CHD2: variants seen among roughly 807,000 people sequenced by gnomAD.
The protein encoded by CHD2 is ATP-dependent chromatin remodeler CHD2.
CHD2 carries 28 observed loss-of-function variants against 243.9 expected under a neutral mutation model. The observed-to-expected ratio is 0.11, with a 90% CI of 0.09 to 0.16. The LOEUF is 0.16. Ranked by LOEUF, CHD2 falls within the 10% of genes least tolerant of loss-of-function variation. The pLI is 1.00. For missense variants in CHD2, 1,386 were observed against 2,209.8 expected, an observed-to-expected ratio of 0.63 and a Z score of 7.47; for synonymous variants, 775 against 779.0, an observed-to-expected ratio of 0.99 and a Z score of 0.09.
At chr15:92,964,854 G>C (rs987711198) in intron 16 of CHD2, among the ~76,000 whole-genome samples, 1 of 151,400 alleles carries the variant, frequency 6.6e-6, no homozygotes, top group Non-Finnish European at 1.5e-5. Flanking sequence ...TTGATAGCAT[G>C]TATTTCAGAG....
At chr15:93,009,084 C>T in intron 34 of CHD2, 61 bp from the exon 35 acceptor site, 1 of 1,558,158 alleles carries the variant, frequency 6.4e-7, no homozygotes, top group Non-Finnish European at 8.7e-7. Context: ...GCACAGTAAG[C>T]AAAGGACAAG....
At chr15:92,926,837 G>A (rs1291666181) in intron 3 of CHD2, among the ~76,000 whole-genome samples, 1 of 152,136 alleles carries the variant, frequency 6.6e-6, no homozygotes, top group East Asian at 1.9e-4. Context: ...GACTTAATGG[G>A]GGCTTTGCCG....
At chr15:93,006,124 CTTTT>C (rs55820002) in intron 34 of CHD2, among the ~76,000 whole-genome samples, 2 of 125,258 alleles carry the variant, frequency 1.6e-5, no homozygotes, top group African/African-American at 3.0e-5. Flanking sequence ...CTCTCTCTCT[CTTTT>C]TTTTTTTTTT....
chr15:92,922,501 T>C (rs1042001577), intron 2 of CHD2, among the ~76,000 whole-genome samples: 7 of 152,180 alleles, frequency 4.6e-5, no homozygotes, highest in Admixed American at 1.3e-4. Flanking sequence ...CGTATTGTAA[T>C]GTGCTGTGGA....
At chr15:92,974,714 T>C in intron 19 of CHD2, 165 bp from the exon 20 acceptor site, 1 of 574,058 alleles carries the variant, frequency 1.7e-6, no homozygotes, top group Non-Finnish European at 3.1e-6. Context: ...TCGAGTAGGG[T>C]AGGGTGTGCT....
At chr15:92,955,602 A>G in intron 15 of CHD2, 90 bp downstream of exon 15, 1 of 735,206 alleles carries the variant, frequency 1.4e-6, no homozygotes, top group Non-Finnish European at 2.1e-6. Context: ...AGCATGTTAG[A>G]AATAAATACT....
At chr15:92,912,603 G>C (rs1209947003) in intron 2 of CHD2, among the ~76,000 whole-genome samples, 1 of 152,146 alleles carries the variant, frequency 6.6e-6, no homozygotes, top group East Asian at 1.9e-4. Flanking sequence ...GCTCGATCTT[G>C]GCTCACTGCA....
chr15:92,967,279 C>T (rs889261281), intron 16 of CHD2, 46 bp from the exon 17 acceptor site: 37 of 1,338,090 alleles, frequency 2.8e-5, no homozygotes, highest in South Asian at 2.2e-4. Flanking sequence ...TCCTATTCTT[C>T]TTTTCCTCAA....
At chr15:92,971,976 C>A (rs1255180536) in intron 18 of CHD2, 49 bp downstream of exon 18, 1 of 1,554,428 alleles carries the variant, frequency 6.4e-7, no homozygotes, top group African/African-American at 1.4e-5. Flanking sequence ...CTTAGTTTCT[C>A]TAGGTGCTTT....
At chr15:92,925,501 A>G (rs1283312424) in intron 3 of CHD2, among the ~76,000 whole-genome samples, 2 of 152,228 alleles carry the variant, frequency 1.3e-5, no homozygotes, top group Non-Finnish European at 2.9e-5. Context: ...TCTTGAAGTG[A>G]TAAAACTAGT....
chr15:92,905,786 A>G (rs1414561773), intron 2 of CHD2, among the ~76,000 whole-genome samples: 1 of 152,222 alleles, frequency 6.6e-6, no homozygotes, highest in African/African-American at 2.4e-5. Flanking sequence ...TCAAATGTAT[A>G]TTGCGTATAA....
chr15:92,906,253 TTC>T (rs369399377), intron 2 of CHD2, among the ~76,000 whole-genome samples: 13 of 150,760 alleles, frequency 8.6e-5, no homozygotes, highest in Non-Finnish European at 8.9e-5. Flanking sequence ...TTCTCTCTCT[TTC>T]TCTCTCTCTC....
At chr15:92,901,451 C>A in intron 2 of CHD2, 152 bp downstream of exon 2, 1 of 625,272 alleles carries the variant, frequency 1.6e-6, no homozygotes, top group Non-Finnish European at 2.9e-6. Context: ...CTTGAGATTG[C>A]TAATATGCCA....
At chr15:92,982,784 A>G (rs368694670) in intron 24 of CHD2, among the ~76,000 whole-genome samples, 4 of 152,252 alleles carry the variant, frequency 2.6e-5, no homozygotes, top group African/African-American at 9.6e-5. Context: ...CAAGGATGGA[A>G]TTGAGTGGGC....
At chr15:93,010,768 C>A (rs1194622943) in intron 35 of CHD2, among the ~76,000 whole-genome samples, 2 of 152,208 alleles carry the variant, frequency 1.3e-5, no homozygotes, top group Non-Finnish European at 1.5e-5. Context: ...AAATCTCTTT[C>A]CATTAATCAC....
At chr15:93,019,284 A>G (rs1250402475) in intron 37 of CHD2, among the ~76,000 whole-genome samples, 1 of 152,146 alleles carries the variant, frequency 6.6e-6, no homozygotes, top group Non-Finnish European at 1.5e-5. Flanking sequence ...GGAGGATATT[A>G]CTCGCAGCTG....
At chr15:92,953,611 A>G in intron 14 of CHD2, 38 bp downstream of exon 14, 1 of 1,578,740 alleles carries the variant, frequency 6.3e-7, no homozygotes, top group South Asian at 1.1e-5. Flanking sequence ...AATCTGTGTT[A>G]TAAATGTAAT....
At chr15:93,008,746 A>C (rs115511649) in intron 34 of CHD2, among the ~76,000 whole-genome samples, 2,040 of 152,160 alleles carry the variant, frequency 0.013, 47 homozygotes, top group African/African-American at 0.047. Context: ...GCTTTCTTTC[A>C]AGCCTGAAGG....
chr15:93,020,051 G>C lies in CHD2; in HGVS notation c.4946G>C (p.Gly1649Ala). Reference sequence around the variant, plus strand: ...CAGAGGGAAAGAAAGTTCAACTATGGTGGTGGCAACAACAATCCACCATGG... The same window carrying C: ...CAGAGGGAAAGAAAGTTCAACTATGCTGGTGGCAACAACAATCCACCATGG... ...DWQRERKFNYGGGNNNPPWGS... is the reference protein window; with the variant it reads ...DWQRERKFNYAGGNNNPPWGS... The change falls in exon 38 of 39, where the codon GGT becomes GCT. Residue 1649 changes from glycine (G) to alanine (A), a missense_variant. By Grantham distance (60) the Gly-to-Ala change is moderately conservative. Coordinates refer to ENST00000394196, the MANE Select transcript of CHD2 (RefSeq NM_001271.4). 2 of 1,613,994 alleles carry C rather than the reference G, an allele frequency of 1.2e-6. No individual in the cohort carries two copies. The highest frequency in any genetic ancestry group is 1.7e-6 in the Non-Finnish European group (2 of 1,179,942).
Sources: allele counts gnomAD v4.1 joint callset (sites outside exome capture counted in the v4.1 genomes callset), GRCh38; gene constraint gnomAD v4.1.1; transcripts MANE v1.5; gene names NCBI Gene and HGNC (gene_info 2026-07-23, HGNC 2026-07-21).